PCDHA2: variants seen among roughly 807,000 people sequenced by gnomAD.
PCDHA2 encodes protocadherin alpha 2, also known as protocadherin alpha-2.
Under a neutral mutation model 66.0 loss-of-function variants are expected in PCDHA2, and 58 were observed. The observed-to-expected ratio is 0.88, with a 90% confidence interval of 0.71 to 1.09. The LOEUF is 1.09. Among genes scored for constraint, PCDHA2 ranks in the 50% least tolerant of loss-of-function variants. PCDHA2 has a pLI of 0.00. For missense variants in PCDHA2, 1,267 were observed against 1,242.3 expected (o/e 1.02, Z -0.30); for synonymous variants, 634 against 554.0 (o/e 1.14, Z -2.03).
intron 1 of PCDHA2, chr5:140,871,001 C>T (rs2052611705): frequency 1.9e-6 from 3 of 1,613,292 alleles, no homozygotes; most frequent in Admixed American, 1.7e-5. Flanking sequence ...ATAAGCACAA[C>T]GCGTGCCCTG....
intron 1 of PCDHA2, among the ~76,000 whole-genome samples, chr5:140,900,751 G>A (rs781973754): frequency 1.3e-5 from 2 of 152,060 alleles, no homozygotes; most frequent in African/African-American, 2.4e-5. Context: ...GGATCACTTG[G>A]TAGCTCTATT....
intron 1 of PCDHA2, chr5:140,805,176 A>ATGCCAAATAAATATTGAATAGC: frequency 6.6e-7 from 1 of 1,505,204 alleles, no homozygotes; most frequent in Non-Finnish European, 8.8e-7. Context: ...TACTGATGCT[A>ATGCCAAATAAATATTGAATAGC]TGCCAAATAA....
chr5:140,913,106 T>C (rs1308946519), intron 1 of PCDHA2, among the ~76,000 whole-genome samples: 1 of 152,194 alleles, frequency 6.6e-6, no homozygotes, highest in Admixed American at 6.6e-5. Flanking sequence ...CCTCATAGAA[T>C]CAGTTTGGAA....
rs372058384 is a variant in PCDHA2, at chr5:140,875,718, C to T, written c.2388+78366C>T. ...TTCTGGAGGTAAATCTGCAGAATGGCATTTTGTTTGTGAATTCTCGGATCG... is the reference window on the plus strand; with the variant it reads ...TTCTGGAGGTAAATCTGCAGAATGGTATTTTGTTTGTGAATTCTCGGATCG... On this transcript the variant is annotated intron_variant, in intron 1 of 3. Coordinates refer to ENST00000526136, the MANE Select transcript of PCDHA2 (RefSeq NM_018905.3). 2.4e-5 allele frequency: 38 copies of T among 1,614,182 alleles called. 1 individual carries two copies. The highest frequency in any genetic ancestry group is 2.7e-5 in the Non-Finnish European group (32 of 1,180,048).
intron 1 of PCDHA2, among the ~76,000 whole-genome samples, chr5:140,936,603 C>T (rs552102837): frequency 2.0e-5 from 3 of 152,324 alleles, no homozygotes; most frequent in Admixed American, 6.5e-5. Context: ...CTACTTTCCT[C>T]GCTGCTACTG....
chr5:140,798,679 A>C (rs1213133616), intron 1 of PCDHA2, among the ~76,000 whole-genome samples: 5 of 152,204 alleles, frequency 3.3e-5, no homozygotes, highest in Non-Finnish European at 5.9e-5. Context: ...TCCTAATGAA[A>C]TTGGAATTTT....
At chr5:140,811,664 G>A (rs2126630943) in intron 1 of PCDHA2, 173 of 152,272 alleles carry the variant, frequency 1.1e-3, no homozygotes, top group African/African-American at 4.1e-3. Context: ...AGCATGTGTT[G>A]TTTCCTGACT....
intron 1 of PCDHA2, chr5:140,841,384 C>T (rs1222164678): frequency 1.2e-6 from 2 of 1,613,362 alleles, no homozygotes; most frequent in Non-Finnish European, 1.7e-6. Context: ...TTCTGCTCCT[C>T]GCAGCCTGGA....
At chr5:140,900,588 C>G (rs1025443524) in intron 1 of PCDHA2, among the ~76,000 whole-genome samples, 3 of 152,150 alleles carry the variant, frequency 2.0e-5, no homozygotes, top group African/African-American at 7.2e-5. Flanking sequence ...TTTTCTTTAC[C>G]CGTTCATCTG....
rs2150120383 is a variant in PCDHA2, at chr5:140,822,919, G to C, written c.2388+25567G>C. ...GTCTGACCGTGACTCAGGTGCCAACGGGCAGGTGACCTGCTCCCTAATGCC... is the reference window on the plus strand; with the variant it reads ...GTCTGACCGTGACTCAGGTGCCAACCGGCAGGTGACCTGCTCCCTAATGCC... On this transcript the variant is annotated intron_variant, in intron 1 of 3. Transcript: ENST00000526136. 6 of 1,614,230 alleles carry C rather than the reference G, an allele frequency of 3.7e-6. No homozygotes were observed. In the South Asian group the frequency reaches 4.4e-5, roughly 12 times the overall value.
At position 140,835,410 on chromosome 5, in the gene PCDHA2, G is replaced by A. The variant is rs17844309; in HGVS notation, c.2388+38058G>A. On this transcript the variant is annotated intron_variant, in intron 1 of 3. Coordinates refer to ENST00000526136, the MANE Select transcript of PCDHA2 (RefSeq NM_018905.3). The stretch of plus-strand genomic sequence containing the variant: ...TACAGTTCTTGTGGAAGTTGTGGAT[G>A]TAAATGACAATGCTCCACAGTTGAC... 13,977 of 1,613,956 alleles carry A rather than the reference G, an allele frequency of 8.7e-3. 157 individuals are homozygous for A. Among genetic ancestry groups the A allele is most frequent in the East Asian group, 0.056 (2,497 of 44,848 alleles).
intron 1 of PCDHA2, among the ~76,000 whole-genome samples, chr5:140,886,962 G>A (rs1017446014): frequency 6.6e-6 from 1 of 151,842 alleles, no homozygotes; most frequent in African/African-American, 2.4e-5. Context: ...ATTTAGCAAC[G>A]AAATTTATTA....
chr5:140,842,608 C>T lies in PCDHA2; in HGVS notation c.2388+45256C>T, dbSNP rs1251086188. On this transcript the variant is annotated intron_variant, in intron 1 of 3. Coordinates refer to ENST00000526136, the MANE Select transcript of PCDHA2 (RefSeq NM_018905.3). ...ATGAGTTGGTGGTAACCGCGCGGGA[C>T]GGGGGCTCGCCTTCGCTGTGGGCCA... The T allele has an allele frequency of 3.9e-6, 6 of 1,557,100 alleles. No homozygotes were observed. The African/African-American group carries it at 4.3e-5, about 11-fold the overall frequency.
Position 140,795,157 on chromosome 5 carries a change from C to T in PCDHA2, c.193C>T (p.Arg65Trp). The change falls in exon 1 of 4, where the codon CGG (arginine) becomes TGG (tryptophan). Residue 65 changes from arginine (R) to tryptophan (W), a missense_variant. By Grantham distance (101) the Arg-to-Trp change is moderately radical. Coordinates refer to ENST00000526136, the MANE Select transcript of PCDHA2 (RefSeq NM_018905.3). ...GGAGGAGCTGGTGCCGCGCCTGTTC[C>T]GGGTGGCGTCCAAAAGACACGGGGA... is the stretch of plus-strand genomic sequence containing the variant. ...ELEELVPRLF[R>W]VASKRHGDLL... is the part of the protein sequence containing the mutation. 2 of 1,614,014 alleles carry T rather than the reference C, an allele frequency of 1.2e-6. No individual in the cohort carries two copies. Among genetic ancestry groups the T allele is most frequent in the Admixed American group, 1.7e-5 (1 of 60,024 alleles).
intron 1 of PCDHA2, chr5:140,930,385 C>T (rs1335168502): frequency 6.6e-6 from 1 of 151,798 alleles, no homozygotes; most frequent in Non-Finnish European, 1.5e-5. Flanking sequence ...CTTGGCATTT[C>T]AAAACTTCTT....
intron 1 of PCDHA2, among the ~76,000 whole-genome samples, chr5:140,918,702 G>A (rs2078814490): frequency 6.6e-6 from 1 of 152,150 alleles, no homozygotes; most frequent in Non-Finnish European, 1.5e-5. Flanking sequence ...ATTAAGTCAT[G>A]AGGGCAGAGC....
intron 1 of PCDHA2, chr5:140,828,626 G>A (rs2150157577): frequency 1.2e-6 from 2 of 1,614,092 alleles, no homozygotes; most frequent in Admixed American, 3.3e-5. Context: ...CGAATACTTC[G>A]GGCTAGATGT....
chr5:140,840,342 G>C (rs1167042274), intron 1 of PCDHA2, among the ~76,000 whole-genome samples: 2 of 151,918 alleles, frequency 1.3e-5, no homozygotes, highest in African/African-American at 4.8e-5. Flanking sequence ...CAATGTTAGG[G>C]TATACAGGTA....
At chr5:140,819,081 G>A (rs2150103070) in intron 1 of PCDHA2, among the ~76,000 whole-genome samples, 416 of 152,236 alleles carry the variant, frequency 2.7e-3, no homozygotes, top group African/African-American at 9.5e-3. Context: ...TACAGGCAGC[G>A]CTAAGATGTG....
Sources: allele counts gnomAD v4.1 joint callset (sites outside exome capture counted in the v4.1 genomes callset), GRCh38; gene constraint gnomAD v4.1.1; transcripts MANE v1.5; gene names NCBI Gene and HGNC (gene_info 2026-07-23, HGNC 2026-07-21).